Variants in SMC5 observed in about 807,000 individuals in gnomAD.
SMC5 encodes structural maintenance of chromosomes 5, also known as structural maintenance of chromosomes protein 5.
SMC5 carries 88 observed loss-of-function variants against 148.3 expected under a neutral mutation model. The observed-to-expected ratio is 0.59, with a 90% CI of 0.50 to 0.71. The LOEUF (loss-of-function observed/expected upper bound fraction) is 0.71, where lower values mean the gene tolerates loss of function less well. Among genes scored for constraint, SMC5 ranks in the 30% least tolerant of loss-of-function variants. The pLI is 0.00. For synonymous variants in SMC5, 421 were observed against 432.8 expected (o/e 0.97, Z 0.34); for missense variants, 1,142 against 1,298.9 (o/e 0.88, Z 1.86).
At chr9:70,282,625 T>C (rs138913426) in intron 7 of SMC5, 42 bp downstream of exon 7, 1 of 1,509,374 alleles carries the variant, frequency 6.6e-7, no homozygotes, top group Admixed American at 2.5e-5. Flanking sequence ...AATTTTATTT[T>C]AGCAAATATA....
At chr9:70,338,703 G>T (rs1054084685) in intron 17 of SMC5, among the ~76,000 whole-genome samples, 1 of 151,856 alleles carries the variant, frequency 6.6e-6, no homozygotes, top group African/African-American at 2.4e-5. Flanking sequence ...TATCTTTCCC[G>T]TATCGTTTGT....
chr9:70,298,473 C>G (rs1047425879), intron 9 of SMC5, among the ~76,000 whole-genome samples: 2 of 152,018 alleles, frequency 1.3e-5, no homozygotes, highest in African/African-American at 4.8e-5. Flanking sequence ...AAATGCCTAG[C>G]TTTATTTTCT....
intron 13 of SMC5, among the ~76,000 whole-genome samples, chr9:70,316,277 T>C (rs193056534): frequency 1.1e-4 from 16 of 152,226 alleles, no homozygotes; most frequent in African/African-American, 3.8e-4. Context: ...GAGCATCTGG[T>C]AACTGATTAT....
At chr9:70,270,786 A>G (rs946190386) in intron 3 of SMC5, among the ~76,000 whole-genome samples, 7 of 150,112 alleles carry the variant, frequency 4.7e-5, no homozygotes, top group African/African-American at 7.4e-5. Flanking sequence ...AGCTGGTATT[A>G]CAAGCACCCA....
At chr9:70,294,452 A>T (rs1423120887) in intron 8 of SMC5, among the ~76,000 whole-genome samples, 1 of 152,206 alleles carries the variant, frequency 6.6e-6, no homozygotes, top group African/African-American at 2.4e-5. Context: ...CCAGTGTGAC[A>T]TAAGAAGAAA....
At chr9:70,270,672 G>A (rs915913108) in intron 3 of SMC5, among the ~76,000 whole-genome samples, 12 of 135,734 alleles carry the variant, frequency 8.8e-5, no homozygotes, top group African/African-American at 2.3e-4. Flanking sequence ...TTTTTGGGAC[G>A]GAGTGTCACT....
intron 22 of SMC5, among the ~76,000 whole-genome samples, chr9:70,349,350 A>G (rs2036749459): frequency 6.6e-6 from 1 of 152,174 alleles, no homozygotes; most frequent in South Asian, 2.1e-4. Context: ...TACAGGCATG[A>G]GCCACCACAC....
chr9:70,330,905 A>C (rs1301647312), intron 17 of SMC5, among the ~76,000 whole-genome samples: 1 of 152,194 alleles, frequency 6.6e-6, no homozygotes, highest in African/African-American at 2.4e-5. Flanking sequence ...AATGAATTAC[A>C]ATAATATATT....
intron 18 of SMC5, chr9:70,346,286 A>G (rs2036664524): frequency 6.6e-6 from 2 of 303,846 alleles, no homozygotes; most frequent in African/African-American, 2.2e-5. Flanking sequence ...GGTTAAAATA[A>G]TAAGTTTAAG....
chr9:70,325,553 G>T (rs1375599774), intron 17 of SMC5, among the ~76,000 whole-genome samples: 1 of 152,168 alleles, frequency 6.6e-6, no homozygotes. Flanking sequence ...GGGTGATCTA[G>T]CCCTGTGAAC....
rs186669357 is a variant in SMC5 at position 70,350,361 on chromosome 9, G to A, written c.3070-15G>A. 1,274 of 1,610,032 alleles carry A rather than the reference G, an allele frequency of 7.9e-4. 12 individuals carry two copies. In the African/African-American group the frequency reaches 0.014, roughly 18 times the overall value. On this transcript the variant is annotated splice_polypyrimidine_tract_variant and intron_variant, in intron 23 of 24. Transcript: ENST00000361138. Reference sequence around the variant, plus strand: ...AACAGGAATAAATGTAATCATTATTGTTGCCATTGTTTAGGGAATGGACCC... The same window carrying A: ...AACAGGAATAAATGTAATCATTATTATTGCCATTGTTTAGGGAATGGACCC...
chr9:70,291,004 A>G (rs891886222), intron 8 of SMC5, among the ~76,000 whole-genome samples: 2 of 152,152 alleles, frequency 1.3e-5, no homozygotes, highest in African/African-American at 4.8e-5. Flanking sequence ...TTTTGTTGAA[A>G]CTGAACAGTT....
intron 11 of SMC5, among the ~76,000 whole-genome samples, chr9:70,313,325 A>G (rs986710655): frequency 2.6e-5 from 4 of 152,088 alleles, no homozygotes; most frequent in East Asian, 1.9e-4. Flanking sequence ...CCACCTGTTG[A>G]TAGTAATAAA....
At chr9:70,336,970 C>T (rs1392566500) in intron 17 of SMC5, among the ~76,000 whole-genome samples, 1 of 152,162 alleles carries the variant, frequency 6.6e-6, no homozygotes, top group African/African-American at 2.4e-5. Context: ...CAAGTCACAT[C>T]TTACATGAAT....
At chr9:70,319,057 C>T (rs1221065503) in intron 15 of SMC5, 94 bp downstream of exon 15, 27 of 1,087,750 alleles carry the variant, frequency 2.5e-5, no homozygotes, top group Middle Eastern at 2.1e-4. Context: ...TCCACAAGCA[C>T]GCTTTGTAGT....
intron 24 of SMC5, 74 bp downstream of exon 24, chr9:70,350,545 C>A: frequency 2.1e-6 from 2 of 941,006 alleles, no homozygotes; most frequent in Non-Finnish European, 3.2e-6. Flanking sequence ...GTTTTTGTCC[C>A]AACATGCACA....
chr9:70,323,291 G>A (rs1325369691), intron 15 of SMC5, among the ~76,000 whole-genome samples, 192 bp from the exon 16 acceptor site: 1 of 152,092 alleles, frequency 6.6e-6, no homozygotes, highest in African/African-American at 2.4e-5. Context: ...GCTCCTTAAG[G>A]GAAGTGACTG....
intron 3 of SMC5, among the ~76,000 whole-genome samples, chr9:70,272,746 C>T (rs889134155): frequency 3.9e-5 from 6 of 152,046 alleles, no homozygotes; most frequent in African/African-American, 1.5e-4. Flanking sequence ...TACAGTGCAC[C>T]GTTTAGAGAT....
At chr9:70,302,822 A>G (rs988225007) in intron 10 of SMC5, among the ~76,000 whole-genome samples, 2 of 152,194 alleles carry the variant, frequency 1.3e-5, no homozygotes, top group Admixed American at 6.5e-5. Flanking sequence ...TACTTGTGTG[A>G]CTTCCTTGAG....
Sources: gnomAD v4.1 joint callset for allele counts (sites outside exome capture counted in the v4.1 genomes callset) on GRCh38, gnomAD v4.1.1 for gene constraint, MANE v1.5 for transcripts, NCBI Gene and HGNC (gene_info 2026-07-23, HGNC 2026-07-21) for gene names.